Variants in SLC30A8 observed in about 807,000 individuals in gnomAD.
SLC30A8 encodes proton-coupled zinc antiporter SLC30A8.
SLC30A8 carries 27 observed loss-of-function variants against 36.9 expected under a neutral mutation model. The ratio of observed to expected loss-of-function variants is 0.73; its 90% CI spans 0.54 to 1.01. The LOEUF is 1.01. SLC30A8 is among the 50% of genes least tolerant of loss of function. The probability of loss-of-function intolerance (pLI) is 0.00; values close to 1 mark genes in which losing one functional copy is unlikely to be tolerated. For synonymous variants in SLC30A8, 164 were observed against 172.4 expected, an observed-to-expected ratio of 0.95 and a Z score of 0.38; for missense variants, 439 against 452.0, an observed-to-expected ratio of 0.97 and a Z score of 0.26.
At chr8:117,103,035 C>T (rs1251752657) in intron 2 of SLC30A8, among the ~76,000 whole-genome samples, 1 of 152,032 alleles carries the variant, frequency 6.6e-6, no homozygotes, top group African/African-American at 2.4e-5. Context: ...AACTCAAAGT[C>T]CAAAATCTTA....
rs200208443 is a variant in SLC30A8, at chr8:117,068,932, CCT to C, written c.-226+29682_-226+29683del. ...AGCCTGGTCCTTGCTATTGGTTCCA[CCT>C]CTCTCTCACCTTTAACTGTCAACTC... On this transcript the variant is annotated intron_variant, in intron 2 of 10. Coordinates refer to the SLC30A8 transcript ENST00000427715. Among the ~76,000 whole-genome samples the C allele has an allele frequency of 7.8e-3, 1,189 of 152,232 alleles. 16 individuals are homozygous for C. The highest frequency in any genetic ancestry group is 0.027 in the African/African-American group (1,119 of 41,532).
At chr8:116,979,910 A>G (rs1480567325) in intron 1 of SLC30A8, among the ~76,000 whole-genome samples, 1 of 152,222 alleles carries the variant, frequency 6.6e-6, no homozygotes, top group Non-Finnish European at 1.5e-5. Flanking sequence ...TTTATGAGGT[A>G]AGGATAGGAT....
At chr8:116,999,927 A>G (rs932689250) in intron 1 of SLC30A8, among the ~76,000 whole-genome samples, 2 of 152,192 alleles carry the variant, frequency 1.3e-5, no homozygotes, top group Admixed American at 6.5e-5. Context: ...TATTTTCCTA[A>G]AAGTTTTCTG....
intron 1 of SLC30A8, among the ~76,000 whole-genome samples, chr8:117,142,708 T>C (rs189047919): frequency 4.6e-5 from 7 of 152,232 alleles, no homozygotes; most frequent in African/African-American, 1.2e-4. Context: ...TGCTGAGATA[T>C]CACCTCCACA....
chr8:117,152,829 T>G (rs1822255931), intron 2 of SLC30A8, 115 bp from the exon 3 acceptor site: 1 of 818,524 alleles, frequency 1.2e-6, no homozygotes, highest in Non-Finnish European at 1.8e-6. Context: ...TTAAGATCTC[T>G]TTTTCCTCTA....
intron 2 of SLC30A8, among the ~76,000 whole-genome samples, chr8:117,091,281 A>G (rs1819113209): frequency 6.6e-6 from 1 of 152,178 alleles, no homozygotes. Flanking sequence ...CGGGGCATGA[A>G]CAAAACCAGT....
chr8:117,170,794 G>A (rs1823336211), intron 6 of SLC30A8, among the ~76,000 whole-genome samples: 1 of 152,148 alleles, frequency 6.6e-6, no homozygotes, highest in Non-Finnish European at 1.5e-5. Context: ...AAAAACTAAG[G>A]ATAATTACCA....
intron 2 of SLC30A8, among the ~76,000 whole-genome samples, chr8:117,114,958 G>A (rs1820382993): frequency 6.6e-6 from 1 of 151,894 alleles, no homozygotes; most frequent in Non-Finnish European, 1.5e-5. Flanking sequence ...AAGCTCTAGT[G>A]TGGTGGCTAC....
chr8:116,975,091 T>C (rs1482420004), intron 1 of SLC30A8, among the ~76,000 whole-genome samples: 3 of 151,410 alleles, frequency 2.0e-5, no homozygotes, highest in African/African-American at 7.3e-5. Flanking sequence ...GTATACCTAA[T>C]GACGAGTTAC....
intron 2 of SLC30A8, among the ~76,000 whole-genome samples, chr8:117,051,382 T>C (rs1441871188): frequency 6.6e-6 from 1 of 152,188 alleles, no homozygotes; most frequent in East Asian, 1.9e-4. Context: ...TGTTGAAATA[T>C]GATTCCCAGT....
intron 1 of SLC30A8, among the ~76,000 whole-genome samples, chr8:116,989,517 TTA>T (rs1815559263): frequency 6.6e-6 from 1 of 152,202 alleles, no homozygotes; most frequent in Admixed American, 6.6e-5. Flanking sequence ...ATTAAACAAT[TTA>T]GTTTACTCAA....
intron 1 of SLC30A8, chr8:117,018,257 AATACATACATAC>A (rs139753003): frequency 1.3e-4 from 18 of 136,990 alleles, no homozygotes; most frequent in African/African-American, 4.5e-4. Context: ...CTTATAAATA[AATACATACATAC>A]ATACATACAT....
intron 2 of SLC30A8, among the ~76,000 whole-genome samples, chr8:117,065,421 G>T (rs559949600): frequency 1.3e-5 from 2 of 152,206 alleles, no homozygotes; most frequent in East Asian, 3.9e-4. Flanking sequence ...ATTTATCAAA[G>T]AAATGAATGA....
intron 1 of SLC30A8, among the ~76,000 whole-genome samples, chr8:117,020,360 G>A (rs1336169407): frequency 6.6e-6 from 1 of 152,138 alleles, no homozygotes; most frequent in African/African-American, 2.4e-5. Context: ...GGCAAACATT[G>A]AAATTATGGT....
chr8:117,124,276 A>T (rs1356708965), intron 2 of SLC30A8, among the ~76,000 whole-genome samples: 2 of 151,954 alleles, frequency 1.3e-5, no homozygotes, highest in Non-Finnish European at 2.9e-5. Flanking sequence ...TTTTACAGTA[A>T]GAATATTATA....
chr8:116,965,547 T>G (rs113388260), intron 1 of SLC30A8, among the ~76,000 whole-genome samples: 1,748 of 152,334 alleles, frequency 0.011, 9 homozygotes, highest in South Asian at 0.036. Flanking sequence ...TCCAGATGAA[T>G]TTGACTGGAA....
chr8:117,030,033 TC>T (rs1816986825), intron 1 of SLC30A8, among the ~76,000 whole-genome samples: 1 of 152,230 alleles, frequency 6.6e-6, no homozygotes, highest in African/African-American at 2.4e-5. Flanking sequence ...TAAGGGCAGA[TC>T]TTAGACATTT....
chr8:117,125,133 G>A (rs935871486), intron 2 of SLC30A8, among the ~76,000 whole-genome samples: 3 of 151,930 alleles, frequency 2.0e-5, no homozygotes. Context: ...CTGAGCAACC[G>A]ATCTCCAGGT....
intron 1 of SLC30A8, among the ~76,000 whole-genome samples, chr8:117,002,492 A>G (rs1816043591): frequency 6.6e-6 from 1 of 152,220 alleles, no homozygotes; most frequent in South Asian, 2.1e-4. Flanking sequence ...AATACCTTTA[A>G]AAATACATTT....
Sources: allele counts gnomAD v4.1 joint callset (sites outside exome capture counted in the v4.1 genomes callset), GRCh38; gene constraint gnomAD v4.1.1; transcripts MANE v1.5; gene names NCBI Gene and HGNC (gene_info 2026-07-23, HGNC 2026-07-21).